The following USH1C variants were observed in gnomAD, a reference collection of about 807,000 sequenced individuals.
USH1C encodes harmonin.
In USH1C, 90 loss-of-function variants were observed where a neutral mutation model predicts 119.3. That is an observed-to-expected ratio of 0.75 (90% CI 0.64 to 0.90). The LOEUF (loss-of-function observed/expected upper bound fraction) is 0.90. USH1C is among the 40% of genes least tolerant of loss of function. The pLI is 0.00. For missense variants in USH1C, 1,165 were observed against 1,167.7 expected, an observed-to-expected ratio of 1.00 and a Z score of 0.03; for synonymous variants, 465 against 443.3, an observed-to-expected ratio of 1.05 and a Z score of -0.62.
intron 1 of USH1C, among the ~76,000 whole-genome samples, chr11:17,539,841 T>C (rs929229026): frequency 6.7e-6 from 1 of 149,254 alleles, no homozygotes; most frequent in Non-Finnish European, 1.5e-5. Context: ...TTCTTTTTTT[T>C]TTTTTTTTTG....
At chr11:17,511,752 C>T in intron 16 of USH1C, 150 bp downstream of exon 16, 1 of 911,400 alleles carries the variant, frequency 1.1e-6, no homozygotes, top group South Asian at 1.8e-5. Flanking sequence ...GGCATGATCT[C>T]TCTCTCCAGG....
Position 17,523,178 on chromosome 11 carries a change from C to T in USH1C, c.876+33G>A, listed in dbSNP as rs114884519. 4,852 of 1,613,908 alleles carry T rather than the reference C, an allele frequency of 3.0e-3. 124 individuals are homozygous for T. The African/African-American group carries it at 0.057, about 19-fold the overall frequency. On this transcript the variant is annotated intron_variant, in intron 11 of 26. Transcript: ENST00000005226. ...GGTCAGAGGGGCTGGGGATGAAGGT[C>T]AAGGGGCTCCCACCAGCTCATTCTG... is the stretch of plus-strand genomic sequence containing the variant.
chr11:17,523,214 T>G lies in USH1C; in HGVS notation c.873A>C (p.Ala291=). ...SRSLTISIVA[A]AGRELFMTDR... is the part of the protein sequence containing the mutation. ...CACCAGCTCATTCTGGACTTACAGCTGCAGCTACAATGGAGATGGTCAGGC... is the reference window on the plus strand; with the variant it reads ...CACCAGCTCATTCTGGACTTACAGCGGCAGCTACAATGGAGATGGTCAGGC... Residue 291 remains alanine (A), a synonymous_variant, in exon 11 of 27, where the codon GCA becomes GCC. Coordinates refer to ENST00000005226, the MANE Select transcript of USH1C (RefSeq NM_153676.4). The G allele has an allele frequency of 6.2e-7, 1 of 1,614,116 alleles. No homozygotes were observed. The highest frequency in any genetic ancestry group is 8.5e-7 in the Non-Finnish European group (1 of 1,179,988).
chr11:17,513,328 C>T (rs542306018), intron 15 of USH1C, among the ~76,000 whole-genome samples: 42 of 152,160 alleles, frequency 2.8e-4, no homozygotes, highest in African/African-American at 9.4e-4. Context: ...CCCCTGTTCA[C>T]TGAGCTCACC....
In USH1C at chr11:17,522,944, G is replaced by T. The variant is rs776331227; in HGVS notation, c.877-18C>A. The stretch of plus-strand genomic sequence containing the variant: ...TCCCGGCCCTCATGGGAGAAAAGAG[G>T]CCCCTTGCTCAGCCCCCGGGGAACC... On this transcript the variant is annotated intron_variant, in intron 11 of 26. Coordinates refer to ENST00000005226, the MANE Select transcript of USH1C (RefSeq NM_153676.4). 25 of 1,606,952 alleles carry T rather than the reference G, an allele frequency of 1.6e-5. No individual in the cohort carries two copies. The highest frequency in any genetic ancestry group is 8.5e-5 in the Admixed American group (5 of 58,904).
At chr11:17,526,914 G>A in intron 6 of USH1C, 102 bp downstream of exon 6, 1 of 1,575,110 alleles carries the variant, frequency 6.3e-7, no homozygotes, top group Non-Finnish European at 8.6e-7. Context: ...AGCCTCCACT[G>A]GCCCAGAAGC....
chr11:17,534,395 C>T (rs1322459223), intron 1 of USH1C, among the ~76,000 whole-genome samples: 1 of 152,232 alleles, frequency 6.6e-6, no homozygotes, highest in Non-Finnish European at 1.5e-5. Flanking sequence ...GCAGGGGGTA[C>T]AGAATGCAGA....
intron 1 of USH1C, 83 bp downstream of exon 1, chr11:17,544,189 G>A (rs1851599656): frequency 2.5e-6 from 4 of 1,573,510 alleles, no homozygotes; most frequent in African/African-American, 1.3e-5. Context: ...AAAAGGGAGG[G>A]GCAGTGCCGG....
At chr11:17,500,094 G>A (rs1236394778) in intron 23 of USH1C, among the ~76,000 whole-genome samples, 1 of 152,256 alleles carries the variant, frequency 6.6e-6, no homozygotes, top group Admixed American at 6.5e-5. Context: ...ACGGGGTGAT[G>A]GTTTGAAGCA....
At chr11:17,511,807 A>C (rs958769609) in intron 16 of USH1C, 95 bp downstream of exon 16, 21 of 1,454,462 alleles carry the variant, frequency 1.4e-5, no homozygotes, top group Non-Finnish European at 1.9e-5. Flanking sequence ...ATGCCATTTG[A>C]GGAGAACAAC....
chr11:17,526,677 C>T, intron 7 of USH1C, 76 bp downstream of exon 7: 1 of 1,498,392 alleles, frequency 6.7e-7, no homozygotes, highest in African/African-American at 1.4e-5. Flanking sequence ...CTAGAGCAAG[C>T]CCTCCCTTCA....
chr11:17,505,809 G>A (rs779824837), intron 19 of USH1C, 21 bp downstream of exon 19: 41 of 1,613,878 alleles, frequency 2.5e-5, no homozygotes, highest in Non-Finnish European at 3.5e-5. Context: ...AGACAACCTG[G>A]AGGGGACCCA....
chr11:17,500,608 T>C (rs1216875766), intron 23 of USH1C, among the ~76,000 whole-genome samples: 2 of 152,138 alleles, frequency 1.3e-5, no homozygotes, highest in Non-Finnish European at 2.9e-5. Flanking sequence ...TCGAAAGCCC[T>C]TTCTCCCCTT....
chr11:17,531,488 G>A lies in USH1C; in HGVS notation c.159C>T (p.Pro53=). ...VGDLKLVINE[P]SRLPLFDAIR... ...TGGCATCAAACAGAGGCAGACGGCT[G>A]GGTTCATTGATGACCAGCTTCAGGT... Residue 53 remains proline (P), a synonymous_variant, in exon 3 of 27, where the codon CCC becomes CCT. Coordinates refer to ENST00000005226, the MANE Select transcript of USH1C (RefSeq NM_153676.4). This position sits in a 1 kb window ranked among gnomAD's most constrained non-coding sequence, Gnocchi z 4.2. The A allele has an allele frequency of 2.5e-6, 4 of 1,613,998 alleles. No individual in the cohort carries two copies. The highest frequency in any genetic ancestry group is 3.4e-6 in the Non-Finnish European group (4 of 1,180,038).
At chr11:17,533,418 G>C in intron 1 of USH1C, 96 bp from the exon 2 acceptor site, 1 of 892,836 alleles carries the variant, frequency 1.1e-6, no homozygotes, top group Non-Finnish European at 1.8e-6. Flanking sequence ...GGCCTCCCCA[G>C]CAGCTTTTCA....
In USH1C at chr11:17,531,007, A is replaced by G. The variant is rs558778949; in HGVS notation, c.387+147T>C. ...GCCTGATTTCTATGAGCCTAAGAAC[A>G]CCCATCAGGATGCGCCAGCCTCTTC... On this transcript the variant is annotated intron_variant, in intron 4 of 26. Transcript: ENST00000005226. This position sits in a 1 kb window ranked among gnomAD's most constrained non-coding sequence, Gnocchi z 4.2. The G allele has an allele frequency of 1.6e-6, 2 of 1,247,832 alleles. No individual in the cohort carries two copies. Among genetic ancestry groups the G allele is most frequent in the East Asian group, 2.5e-5 (1 of 39,614 alleles). 77.3% of individuals were successfully genotyped at this position (1,247,832 alleles called of 1,614,324 possible).
At chr11:17,528,502 TC>T (rs1394799137) in intron 4 of USH1C, among the ~76,000 whole-genome samples, 4 of 152,216 alleles carry the variant, frequency 2.6e-5, no homozygotes, top group African/African-American at 4.8e-5. Flanking sequence ...CTGGAGAGGT[TC>T]CGGTCTGAGG....
intron 4 of USH1C, among the ~76,000 whole-genome samples, chr11:17,528,348 G>A (rs540170349): frequency 1.3e-5 from 2 of 152,168 alleles, no homozygotes; most frequent in African/African-American, 2.4e-5. Context: ...CAGGCACCCC[G>A]GCCCTGGGGA....
At chr11:17,505,330 ATC>A (rs750660598) in intron 19 of USH1C, among the ~76,000 whole-genome samples, 6 of 152,256 alleles carry the variant, frequency 3.9e-5, no homozygotes, top group Non-Finnish European at 8.8e-5. Context: ...GGCACCTGGA[ATC>A]TCTGTAGGTT....
Sources: gnomAD v4.1 joint callset for allele counts (sites outside exome capture counted in the v4.1 genomes callset) on GRCh38, gnomAD v4.1.1 for gene constraint, Gnocchi (gnomAD v3.1) non-coding constraint, MANE v1.5 for transcripts, NCBI Gene and HGNC (gene_info 2026-07-23, HGNC 2026-07-21) for gene names.